Variants in PLEKHH3 observed in about 807,000 individuals in gnomAD.
The protein encoded by PLEKHH3 is pleckstrin homology, MyTH4 and FERM domain containing H3.
Under a neutral mutation model 77.8 loss-of-function variants are expected in PLEKHH3, and 57 were observed. The observed-to-expected ratio is 0.73, with a 90% CI of 0.59 to 0.91. The LOEUF (loss-of-function observed/expected upper bound fraction) is 0.91. Among genes scored for constraint, PLEKHH3 ranks in the 40% least tolerant of loss-of-function variants. The probability of loss-of-function intolerance (pLI) is 0.00; values close to 1 mark genes in which losing one functional copy is unlikely to be tolerated. For synonymous variants in PLEKHH3, 467 were observed against 504.8 expected, an observed-to-expected ratio of 0.93 and a Z score of 1.00; for missense variants, 1,082 against 1,091.2, an observed-to-expected ratio of 0.99 and a Z score of 0.12.
At position 42,673,404 on chromosome 17, in the gene PLEKHH3, T is replaced by C. The variant is rs1241816978; in HGVS notation, c.643A>G (p.Ile215Val). Residue 215 changes from isoleucine to valine, a missense_variant, in exon 5 of 13, where the codon ATA becomes GTA. By Grantham distance (29) the Ile-to-Val change is conservative (BLOSUM62 3). This residue lies in a region of PLEKHH3 where 344 missense variants were observed against 320.8 expected (regional missense o/e 1.07). Transcript: ENST00000591022. ...ETPTQLLLRDIQESCGDPEAV... is the reference protein window; with the variant it reads ...ETPTQLLLRDVQESCGDPEAV... The stretch of plus-strand genomic sequence containing the variant: ...TGGCTCTCCCTGGTGTGTACCTGTA[T>C]GTCCCTGAGCAGTAGCTGGGTGGGG... 3 of 1,613,470 alleles carry C rather than the reference T, an allele frequency of 1.9e-6. No homozygotes were observed. The highest frequency in any genetic ancestry group is 2.5e-6 in the Non-Finnish European group (3 of 1,179,874).
intron 1 of PLEKHH3, chr17:42,675,975 C>A (rs1017385449): frequency 3.9e-5 from 41 of 1,046,864 alleles, no homozygotes; most frequent in Non-Finnish European, 4.7e-5. Context: ...GTCTCCGCAG[C>A]GGGAGCTCTC....
Position 42,671,660 on chromosome 17 carries a change from C to T in PLEKHH3, c.1077-102G>A, listed in dbSNP as rs906503364. The T allele has an allele frequency of 1.6e-6, 2 of 1,252,530 alleles. No homozygotes were observed. Among genetic ancestry groups the T allele is most frequent in the Non-Finnish European group, 2.2e-6 (2 of 911,034 alleles). The allele number at this position is 1,252,530 out of a possible 1,614,324, so 77.6% of individuals were successfully genotyped here. A position where few individuals can be genotyped will look rare whatever the true frequency, so the allele number is the denominator to read the frequency against. On this transcript the variant is annotated intron_variant, in intron 7 of 12. Transcript: ENST00000591022. The surrounding 1 kb of genome is among the most constrained non-coding windows in gnomAD (Gnocchi z 4.7). ...GTTTATTTTATCTAGCCGATTTCCTCCCCGCCCCAACTCAAGTTCTTTGAA... is the reference window on the plus strand; with the variant it reads ...GTTTATTTTATCTAGCCGATTTCCTTCCCGCCCCAACTCAAGTTCTTTGAA...
In PLEKHH3 at chr17:42,673,550, C is replaced by T. The variant is rs1339890857; in HGVS notation, c.497G>A (p.Trp166Ter). Residue 166 changes from tryptophan to a stop codon, truncating the protein, a stop_gained, in exon 5 of 13, where the codon TGG becomes TAG. Coordinates refer to ENST00000591022, the MANE Select transcript of PLEKHH3 (RefSeq NM_024927.5). LOFTEE classifies it high-confidence loss of function. Reference sequence around the variant, plus strand: ...TTTCCGACCAGACACAGTCACTGACCACAGACCTGGGGAAAAGAGAGGCCA... The same window carrying T: ...TTTCCGACCAGACACAGTCACTGACTACAGACCTGGGGAAAAGAGAGGCCA... ...PERRRKETGL[W>*]SVTVSGRKHS... is the part of the protein sequence containing the mutation. The T allele has an allele frequency of 6.3e-7, 1 of 1,591,470 alleles. No homozygotes were observed. The highest frequency in any genetic ancestry group is 8.5e-7 in the Non-Finnish European group (1 of 1,170,946).
chr17:42,670,752 A>G (rs1280764022), intron 9 of PLEKHH3, 47 bp from the exon 10 acceptor site: 1 of 1,495,378 alleles, frequency 6.7e-7, no homozygotes, highest in Non-Finnish European at 9.1e-7. Context: ...CCGGACCCCT[A>G]CGGCGAGGGC....
In PLEKHH3 at chr17:42,670,097, T is replaced by A; in HGVS notation, c.1834A>T (p.Thr612Ser). The change falls in exon 11 of 13, where the codon ACT becomes TCT. Residue 612 changes from threonine (T) to serine (S), a missense_variant. Physicochemically the swap from Thr to Ser is moderately conservative, Grantham distance 58. This residue lies in a region of PLEKHH3 where 733 missense variants were observed against 750.0 expected (regional missense o/e 0.98). Coordinates refer to ENST00000591022, the MANE Select transcript of PLEKHH3 (RefSeq NM_024927.5). ...CCCTCGCGGGCAATGCTTCCCGCAGTGCGGCCGGCCCCGCCGCGCCGGGCC... is the reference window on the plus strand; with the variant it reads ...CCCTCGCGGGCAATGCTTCCCGCAGAGCGGCCGGCCCCGCCGCGCCGGGCC... ...ERARRGGAGR[T>S]AGSIAREGGG... 2 of 1,355,158 alleles carry A rather than the reference T, an allele frequency of 1.5e-6. No individual in the cohort carries two copies. Among genetic ancestry groups the A allele is most frequent in the Non-Finnish European group, 1.9e-6 (2 of 1,062,428 alleles). The allele number at this position is 1,355,158 out of a possible 1,614,324, so 83.9% of individuals were successfully genotyped here. A position where few individuals can be genotyped will look rare whatever the true frequency, so the allele number is the denominator to read the frequency against.
At chr17:42,669,225 T>G in intron 12 of PLEKHH3, 2 of 463,544 alleles carry the variant, frequency 4.3e-6, no homozygotes, top group Non-Finnish European at 7.2e-6. Flanking sequence ...CTCTTTCCTT[T>G]GTAGCATTTC....
intron 2 of PLEKHH3, 52 bp from the exon 3 acceptor site, chr17:42,674,065 C>T: frequency 6.3e-7 from 1 of 1,576,878 alleles, no homozygotes; most frequent in Non-Finnish European, 8.7e-7. Flanking sequence ...CTAGGGGGCT[C>T]CTCTGTAGGG....
In PLEKHH3 at chr17:42,671,373, T is replaced by G. The variant is rs776737466; in HGVS notation, c.1262A>C (p.Asp421Ala). The stretch of plus-strand genomic sequence containing the variant: ...CACCTCCCCCGCCGTGGTGTGGGAG[T>G]CGATGGCCACAGCACAGGCACCAGC... ...PGAGACAVAI[D>A]SHTTAGEVAR... The change falls in exon 8 of 13, where the codon GAC becomes GCC. Residue 421 changes from aspartate (D) to alanine (A), a missense_variant. By Grantham distance (126) the Asp-to-Ala change is moderately radical (BLOSUM62 -2). Coordinates refer to ENST00000591022, the MANE Select transcript of PLEKHH3 (RefSeq NM_024927.5). The surrounding 1 kb of genome is among the most constrained non-coding windows in gnomAD (Gnocchi z 4.7). 8.1e-6 allele frequency: 13 copies of G among 1,611,630 alleles called. No individual in the cohort carries two copies. In the South Asian group the frequency reaches 1.4e-4, roughly 18 times the overall value.
chr17:42,674,134 GGAACCGCTGGGCCATTCTGACCTC>G (rs2052768871), intron 2 of PLEKHH3, 121 bp from the exon 3 acceptor site: 1 of 1,169,032 alleles, frequency 8.6e-7, no homozygotes, highest in Non-Finnish European at 1.2e-6. Context: ...CCAGGCTGTG[GGAACCGCTGGGCCATTCTGACCTC>G]GAACCAGAAA....
chr17:42,671,580 G>A lies in PLEKHH3; in HGVS notation c.1077-22C>T, dbSNP rs768453704. 3.1e-6 allele frequency: 5 copies of A among 1,589,848 alleles called. No individual in the cohort carries two copies. The South Asian group carries it at 5.7e-5, about 18-fold the overall frequency. ...GGTCCTGGGTTAGGAGGAACCCAGGGATCAATACTCCAAGGGCTTTCTTCT... is the reference window on the plus strand; with the variant it reads ...GGTCCTGGGTTAGGAGGAACCCAGGAATCAATACTCCAAGGGCTTTCTTCT... On this transcript the variant is annotated intron_variant, in intron 7 of 12. Transcript: ENST00000591022. The surrounding 1 kb of genome is among the most constrained non-coding windows in gnomAD (Gnocchi z 4.7).
chr17:42,670,531 C>T, intron 10 of PLEKHH3, 42 bp downstream of exon 10: 1 of 1,581,922 alleles, frequency 6.3e-7, no homozygotes, highest in South Asian at 1.1e-5. Context: ...GGGGTTCAGG[C>T]TTGGGGGTCT....
chr17:42,668,058 T>G lies in PLEKHH3; in HGVS notation c.*69A>C. On this transcript the variant is annotated 3_prime_UTR_variant, in exon 13 of 13. Coordinates refer to ENST00000591022, the MANE Select transcript of PLEKHH3 (RefSeq NM_024927.5). ...CTGCAGGGCCAAAAGGGTCCATGTT[T>G]CCCTCAAATCTCAGAGCAGTCCTGG... 1 of 1,262,320 alleles carries G rather than the reference T, an allele frequency of 7.9e-7. No homozygotes were observed. Among genetic ancestry groups the G allele is most frequent in the Admixed American group, 4.2e-5 (1 of 24,052 alleles). 78.2% of individuals were successfully genotyped at this position (1,262,320 alleles called of 1,614,324 possible). A position where few individuals can be genotyped will look rare whatever the true frequency, so the allele number is the denominator to read the frequency against.
At chr17:42,668,819 TTGTTG>T (rs1336240375) in intron 12 of PLEKHH3, 62 of 19,126 alleles carry the variant, frequency 3.2e-3, no homozygotes, top group African/African-American at 0.014. Flanking sequence ...ACATTTTTTT[TTGTTG>T]TTGTTGTTGT....
rs769475357 is a variant in PLEKHH3, at chr17:42,670,053, C to G, written c.1878G>C (p.Thr626=). The change falls in exon 11 of 13, where the codon ACG becomes ACC. Residue 626 remains threonine (T), a synonymous_variant. Transcript: ENST00000591022. ...TCCAGCCGCCCAGCACGGCAGCTGC[C>G]GTGCCGGCGCCGCCTCCTCCCTCGC... ...IAREGGGGAG[T]AAAVLGGWKR... is the part of the protein sequence containing the mutation. 6.7e-7 allele frequency: 1 copy of G among 1,494,906 alleles called. No homozygotes were observed. The highest frequency in any genetic ancestry group is 8.8e-7 in the Non-Finnish European group (1 of 1,131,816). 92.6% of individuals were successfully genotyped at this position (1,494,906 alleles called of 1,614,324 possible). A position where few individuals can be genotyped will look rare whatever the true frequency, so the allele number is the denominator to read the frequency against.
rs1174556994 is a variant in PLEKHH3, at chr17:42,672,314, G to A, written c.848C>T (p.Pro283Leu). ...ALQALEGARRPGPLMQGVLQT... is the reference protein window; with the variant it reads ...ALQALEGARRLGPLMQGVLQT... Reference sequence around the variant, plus strand: ...GAGCACACCCTGCATCAAGGGCCCGGGGCGCCGCGCCCCCTCCAGCGCCTG... The same window carrying A: ...GAGCACACCCTGCATCAAGGGCCCGAGGCGCCGCGCCCCCTCCAGCGCCTG... The change falls in exon 7 of 13, where the codon CCC becomes CTC. Residue 283 changes from proline to leucine, a missense_variant. Pro to Leu is a moderately conservative substitution (Grantham distance 98, BLOSUM62 -3). This residue lies in a region of PLEKHH3 where 733 missense variants were observed against 750.0 expected (regional missense o/e 0.98). Coordinates refer to ENST00000591022, the MANE Select transcript of PLEKHH3 (RefSeq NM_024927.5). 12 of 1,548,654 alleles carry A rather than the reference G, an allele frequency of 7.7e-6. No homozygotes were observed. The highest frequency in any genetic ancestry group is 9.6e-6 in the Non-Finnish European group (11 of 1,146,638).
chr17:42,672,122 C>A lies in PLEKHH3; in HGVS notation c.1040G>T (p.Gly347Val). The A allele has an allele frequency of 6.6e-7, 1 of 1,522,422 alleles. No individual in the cohort carries two copies. Among genetic ancestry groups the A allele is most frequent in the East Asian group, 2.4e-5 (1 of 40,822 alleles). 94.3% of individuals were successfully genotyped at this position (1,522,422 alleles called of 1,614,324 possible). ...TCMSCTFRPGGAVRGHLLGHL... is the reference protein window; with the variant it reads ...TCMSCTFRPGVAVRGHLLGHL... ...CCCCAGGAGGTGCCCCCGCACAGCTCCCCCAGGTCGGAAGGTGCAGCTCAT... is the reference window on the plus strand; with the variant it reads ...CCCCAGGAGGTGCCCCCGCACAGCTACCCCAGGTCGGAAGGTGCAGCTCAT... Residue 347 changes from glycine (G) to valine (V), a missense_variant, in exon 7 of 13, where the codon GGA becomes GTA. By Grantham distance (109) the Gly-to-Val change is moderately radical (BLOSUM62 -3). This residue lies in a region of PLEKHH3 where 733 missense variants were observed against 750.0 expected (regional missense o/e 0.98). Transcript: ENST00000591022.
chr17:42,674,217 C>T, intron 2 of PLEKHH3, 137 bp downstream of exon 2: 2 of 1,207,262 alleles, frequency 1.7e-6, no homozygotes, highest in East Asian at 2.5e-5. Context: ...GGACCGCCCC[C>T]CGGGACCCCA....
intron 12 of PLEKHH3, 180 bp downstream of exon 12, chr17:42,669,250 G>T: frequency 2.0e-6 from 1 of 506,822 alleles, no homozygotes. Flanking sequence ...TGTCTTCATA[G>T]CCTGGGATTC....
Position 42,671,864 on chromosome 17 carries a change from C to T in PLEKHH3, c.1076+222G>A, listed in dbSNP as rs1169053809. ...CCTAAGCCCTGGCGCTGGCCTGCAT[C>T]AGCTGGAGGAAAAGCAGCCTTTTCA... is the stretch of plus-strand genomic sequence containing the variant. On this transcript the variant is annotated intron_variant, in intron 7 of 12. Coordinates refer to ENST00000591022, the MANE Select transcript of PLEKHH3 (RefSeq NM_024927.5). The surrounding 1 kb of genome is among the most constrained non-coding windows in gnomAD (Gnocchi z 4.7). Among the ~76,000 whole-genome samples the T allele has an allele frequency of 6.6e-6, 1 of 152,190 alleles. No homozygotes were observed. Among genetic ancestry groups the T allele is most frequent in the Non-Finnish European group, 1.5e-5 (1 of 68,032 alleles).
Sources: allele counts gnomAD v4.1 joint callset (sites outside exome capture counted in the v4.1 genomes callset), GRCh38; gene constraint gnomAD v4.1.1; regional missense constraint gnomAD v4.1.1; non-coding constraint Gnocchi (gnomAD v3.1); transcripts MANE v1.5; gene names NCBI Gene and HGNC (gene_info 2026-07-23, HGNC 2026-07-21).